The following RXRA variants were observed in gnomAD, a reference collection of about 807,000 sequenced individuals.
RXRA encodes the protein retinoic acid receptor RXR-alpha.
RXRA carries 5 observed loss-of-function variants against 44.5 expected under a neutral mutation model. The ratio of observed to expected loss-of-function variants is 0.11; its 90% CI spans 0.06 to 0.24. The LOEUF (loss-of-function observed/expected upper bound fraction) is 0.24. RXRA is among the 10% of genes least tolerant of loss of function. The pLI is 1.00. For synonymous variants in RXRA, 291 were observed against 271.4 expected (o/e 1.07, Z -0.71); for missense variants, 412 against 646.5 (o/e 0.64, Z 3.93).
At chr9:134,420,570 G>A (rs1266945000) in intron 5 of RXRA, among the ~76,000 whole-genome samples, 5 of 152,258 alleles carry the variant, frequency 3.3e-5, no homozygotes, top group South Asian at 2.1e-4. Flanking sequence ...GGCCTTTCCC[G>A]CCGGGCGCTG....
At chr9:134,411,946 C>T (rs1831155968) in intron 4 of RXRA, among the ~76,000 whole-genome samples, 1 of 152,164 alleles carries the variant, frequency 6.6e-6, no homozygotes, top group African/African-American at 2.4e-5. Context: ...CAGGCACTCG[C>T]CCTGCAGGGA....
intron 1 of RXRA, among the ~76,000 whole-genome samples, chr9:134,395,696 C>A (rs779259278): frequency 2.0e-5 from 3 of 152,246 alleles, no homozygotes; most frequent in Non-Finnish European, 4.4e-5. Flanking sequence ...CCCCATGGGG[C>A]CCCTTGGCAT....
At position 134,431,959 on chromosome 9, in the gene RXRA, G is replaced by A; in HGVS notation, c.1098G>A (p.Glu366=). 6.2e-7 allele frequency: 1 copy of A among 1,614,040 alleles called. No homozygotes were observed. Among genetic ancestry groups the A allele is most frequent in the East Asian group, 2.2e-5 (1 of 44,882 alleles). The part of the protein sequence containing the change: ...KMRDMQMDKT[E]LGCLRAIVLF... ...GGGACATGCAGATGGACAAGACGGA[G>A]CTGGGCTGCCTGCGCGCCATCGTCC... Residue 366 remains glutamate, a synonymous_variant, in exon 8 of 10, where the codon GAG becomes GAA. Transcript: ENST00000481739.
chr9:134,348,369 C>T (rs974316801), intron 1 of RXRA, among the ~76,000 whole-genome samples: 5 of 152,172 alleles, frequency 3.3e-5, no homozygotes, highest in South Asian at 4.1e-4. Context: ...CAGCGGGCAT[C>T]GTGGTGCGAT....
At chr9:134,375,087 TGA>T (rs1830539784) in intron 1 of RXRA, among the ~76,000 whole-genome samples, 1 of 152,118 alleles carries the variant, frequency 6.6e-6, no homozygotes, top group African/African-American at 2.4e-5. Context: ...CTACCCCAAC[TGA>T]GAGACTCTGG....
intron 4 of RXRA, among the ~76,000 whole-genome samples, chr9:134,412,014 G>A (rs1442186159): frequency 2.0e-5 from 3 of 152,204 alleles, no homozygotes; most frequent in Admixed American, 6.5e-5. Context: ...CCCGGCCTGC[G>A]TCTGGGTGCT....
chr9:134,370,221 G>A (rs1185744415), intron 1 of RXRA, among the ~76,000 whole-genome samples: 1 of 152,208 alleles, frequency 6.6e-6, no homozygotes, highest in Non-Finnish European at 1.5e-5. Flanking sequence ...GTGTCCATCT[G>A]CATGGGACGT....
intron 4 of RXRA, among the ~76,000 whole-genome samples, chr9:134,412,561 G>A (rs1831166525): frequency 6.6e-6 from 1 of 152,204 alleles, no homozygotes; most frequent in Non-Finnish European, 1.5e-5. Context: ...GTTGGGCAAT[G>A]GGGCCTGCAC....
intron 1 of RXRA, among the ~76,000 whole-genome samples, chr9:134,397,028 G>A (rs953326311): frequency 1.3e-4 from 20 of 152,282 alleles, no homozygotes; most frequent in Non-Finnish European, 2.8e-4. Context: ...TGCCTCCCCC[G>A]CCTGCCAGGC....
intron 1 of RXRA, among the ~76,000 whole-genome samples, chr9:134,367,332 G>T (rs1830426986): frequency 6.6e-6 from 1 of 152,186 alleles, no homozygotes; most frequent in South Asian, 2.1e-4. Context: ...TGCGGTGGGG[G>T]GGAGGGTGGT....
chr9:134,423,629 G>C (rs1831384147), intron 6 of RXRA: 1 of 985,350 alleles, frequency 1.0e-6, no homozygotes, highest in African/African-American at 1.7e-5. Context: ...AATCCCGCTG[G>C]CCTCGTGTCT....
intron 1 of RXRA, among the ~76,000 whole-genome samples, chr9:134,383,181 A>G (rs116497382): frequency 0.024 from 3,615 of 152,320 alleles, 80 homozygotes; most frequent in African/African-American, 0.058. Flanking sequence ...CCGAGAGCCC[A>G]GGCCGCTTCA....
chr9:134,420,668 C>A (rs1831315227), intron 5 of RXRA, among the ~76,000 whole-genome samples: 1 of 152,232 alleles, frequency 6.6e-6, no homozygotes, highest in African/African-American at 2.4e-5. Flanking sequence ...GGCAGATGCC[C>A]TGAAGTGAGG....
At chr9:134,422,225 T>G (rs1327433544) in intron 6 of RXRA, 1 of 1,220,308 alleles carries the variant, frequency 8.2e-7, no homozygotes, top group Admixed American at 2.7e-5. Context: ...TCCTGGGACA[T>G]ACTCCCCACT....
At chr9:134,434,003 G>C (rs1218099675) in intron 8 of RXRA, 99 bp from the exon 9 acceptor site, 2 of 814,116 alleles carry the variant, frequency 2.5e-6, no homozygotes, top group African/African-American at 3.4e-5. Flanking sequence ...TGCCCATGGT[G>C]GGGCAGCCTG....
intron 2 of RXRA, among the ~76,000 whole-genome samples, chr9:134,406,598 C>T (rs1344386174): frequency 6.6e-6 from 1 of 152,218 alleles, no homozygotes; most frequent in Admixed American, 6.5e-5. Flanking sequence ...CCAGCGAGCC[C>T]TGGAGGGCTG....
At chr9:134,435,853 G>A (rs191239615) in intron 9 of RXRA, among the ~76,000 whole-genome samples, 164 of 152,234 alleles carry the variant, frequency 1.1e-3, no homozygotes, top group African/African-American at 3.8e-3. Flanking sequence ...ACCCGCTCCC[G>A]GCTGTCATGG....
chr9:134,388,311 G>A (rs1294089413), intron 1 of RXRA, among the ~76,000 whole-genome samples: 2 of 152,176 alleles, frequency 1.3e-5, no homozygotes, highest in Non-Finnish European at 2.9e-5. Context: ...ATGTGCATTT[G>A]CGTGCACAGG....
At chr9:134,422,376 TC>T (rs1211020218) in intron 6 of RXRA, 3 of 1,178,710 alleles carry the variant, frequency 2.5e-6, no homozygotes, top group Non-Finnish European at 3.2e-6. Context: ...ACCGGGACAC[TC>T]CCCCCTCCCG....
Sources: allele counts gnomAD v4.1 joint callset (sites outside exome capture counted in the v4.1 genomes callset), GRCh38; gene constraint gnomAD v4.1.1; transcripts MANE v1.5; gene names NCBI Gene and HGNC (gene_info 2026-07-23, HGNC 2026-07-21).